Variants in DOCK3 observed in about 807,000 individuals in gnomAD.
DOCK3 encodes the protein dedicator of cytokinesis protein 3.
A neutral mutation model predicts 265.6 loss-of-function variants in DOCK3; 60 were observed. The ratio of observed to expected loss-of-function variants is 0.23; its 90% CI spans 0.18 to 0.28. DOCK3 has a LOEUF of 0.28. Ranked by LOEUF, DOCK3 falls within the 10% of genes least tolerant of loss-of-function variation. The pLI, the probability that DOCK3 is intolerant of heterozygous loss-of-function variation, is 1.00. For missense variants in DOCK3, 1,981 were observed against 2,594.3 expected, an observed-to-expected ratio of 0.76 and a Z score of 5.14; for synonymous variants, 881 against 938.0, an observed-to-expected ratio of 0.94 and a Z score of 1.11.
At chr3:51,279,193 A>G (rs2080982851) in intron 26 of DOCK3, among the ~76,000 whole-genome samples, 1 of 152,170 alleles carries the variant, frequency 6.6e-6, no homozygotes, top group African/African-American at 2.4e-5. Context: ...TGGAGGTTGC[A>G]GTGAGCCAAG....
chr3:51,168,849 A>G (rs775976156), intron 12 of DOCK3, among the ~76,000 whole-genome samples: 2 of 152,250 alleles, frequency 1.3e-5, no homozygotes, highest in Non-Finnish European at 2.9e-5. Context: ...GCATCTGACA[A>G]AGGTCCAATA....
At chr3:51,340,830 G>A (rs559508179) in intron 37 of DOCK3, among the ~76,000 whole-genome samples, 1 of 152,272 alleles carries the variant, frequency 6.6e-6, no homozygotes, top group South Asian at 2.1e-4. Flanking sequence ...TTTGGTAATG[G>A]AGCCCTAAGA....
At chr3:50,858,828 C>T (rs1014010355) in intron 3 of DOCK3, among the ~76,000 whole-genome samples, 1 of 152,072 alleles carries the variant, frequency 6.6e-6, no homozygotes, top group Non-Finnish European at 1.5e-5. Flanking sequence ...TAATTTTATA[C>T]TTCTCAGAGG....
intron 4 of DOCK3, among the ~76,000 whole-genome samples, chr3:50,930,575 T>C (rs2051007479): frequency 6.6e-6 from 1 of 152,138 alleles, no homozygotes. Flanking sequence ...CAGGCCAGTG[T>C]CCAGGGCAGA....
At chr3:51,338,538 A>G (rs1034050709) in intron 36 of DOCK3, 119 bp downstream of exon 36, 2 of 1,122,480 alleles carry the variant, frequency 1.8e-6, no homozygotes, top group Non-Finnish European at 2.6e-6. Context: ...GAATCAGGAC[A>G]TCAGCTCTGT....
At position 51,384,028 on chromosome 3, in the gene DOCK3, T is replaced by G. The variant is rs959816285; in HGVS notation, c.*2469T>G. The G allele has an allele frequency of 1.3e-5, 2 of 152,650 alleles. No homozygotes were observed. Among genetic ancestry groups the G allele is most frequent in the East Asian group, 3.8e-4 (2 of 5,204 alleles). The allele number at this position is 152,650 out of a possible 1,614,324, so 9.5% of individuals were successfully genotyped here. Reference sequence around the variant, plus strand: ...AAAGCAAAGTTAAAGGAAACAAAATTTGTACCATTGTCCCAAGAGGTATTT... The same window carrying G: ...AAAGCAAAGTTAAAGGAAACAAAATGTGTACCATTGTCCCAAGAGGTATTT... On this transcript the variant is annotated 3_prime_UTR_variant, in exon 53 of 53. Coordinates refer to ENST00000266037, the MANE Select transcript of DOCK3 (RefSeq NM_004947.5).
At position 51,250,674 on chromosome 3, in the gene DOCK3, G is replaced by A. The variant is rs976386594; in HGVS notation, c.2184+3867G>A. On this transcript the variant is annotated intron_variant, in intron 22 of 52. Transcript: ENST00000266037. ...TGAGTACTATGAAGGAAATAAACAA[G>A]ATTATGGAACAGACTGGCTGGAAAG... 7.2e-5 allele frequency among the ~76,000 whole-genome samples: 11 copies of A among 152,094 alleles called. No individual in the cohort carries two copies. The East Asian group carries it at 1.7e-3, about 24-fold the overall frequency.
intron 49 of DOCK3, among the ~76,000 whole-genome samples, chr3:51,369,475 C>T (rs575406014): frequency 4.0e-5 from 6 of 151,772 alleles, no homozygotes; most frequent in African/African-American, 7.3e-5. Flanking sequence ...GAAAATGAAG[C>T]GAAAAGAGAA....
At chr3:51,129,905 C>T (rs940139173) in intron 9 of DOCK3, among the ~76,000 whole-genome samples, 1 of 152,192 alleles carries the variant, frequency 6.6e-6, no homozygotes, top group African/African-American at 2.4e-5. Context: ...GTTCTGGACC[C>T]CACTCAAAAC....
chr3:50,781,750 G>C (rs1165551947), intron 2 of DOCK3, among the ~76,000 whole-genome samples: 1 of 152,124 alleles, frequency 6.6e-6, no homozygotes, highest in Non-Finnish European at 1.5e-5. Flanking sequence ...GTATCCATTA[G>C]TTATTTTTCC....
chr3:51,316,303 C>T (rs2083359197), intron 32 of DOCK3, among the ~76,000 whole-genome samples: 1 of 152,188 alleles, frequency 6.6e-6, no homozygotes, highest in Admixed American at 6.5e-5. Context: ...GAAATTAATC[C>T]ATGTCACTGC....
At chr3:50,834,004 G>A (rs991358590) in intron 2 of DOCK3, among the ~76,000 whole-genome samples, 1 of 151,900 alleles carries the variant, frequency 6.6e-6, no homozygotes, top group African/African-American at 2.4e-5. Context: ...ACAAAACAAG[G>A]GATCAGCAAC....
At chr3:50,732,056 G>A (rs1419105039) in intron 1 of DOCK3, among the ~76,000 whole-genome samples, 1 of 151,416 alleles carries the variant, frequency 6.6e-6, no homozygotes, top group East Asian at 1.9e-4. Flanking sequence ...AAAAAACAAT[G>A]TCCAGGGTTC....
chr3:51,257,902 C>T (rs1431247151), intron 22 of DOCK3, among the ~76,000 whole-genome samples: 1 of 152,170 alleles, frequency 6.6e-6, no homozygotes, highest in African/African-American at 2.4e-5. Flanking sequence ...ATCACCTGGT[C>T]CTGACCAAGA....
At chr3:51,076,722 T>G (rs768269466) in intron 7 of DOCK3, among the ~76,000 whole-genome samples, 19 of 152,178 alleles carry the variant, frequency 1.2e-4, no homozygotes, top group Non-Finnish European at 2.2e-4. Flanking sequence ...GTGCTGCATA[T>G]ATGTGCTGTG....
chr3:51,199,102 G>A (rs534775448), intron 12 of DOCK3, among the ~76,000 whole-genome samples: 21 of 152,294 alleles, frequency 1.4e-4, no homozygotes, highest in Admixed American at 5.9e-4. Context: ...AGCTCCCAGC[G>A]TCAGCGACAC....
chr3:51,251,331 A>G (rs13069302), intron 22 of DOCK3, among the ~76,000 whole-genome samples: 138,034 of 152,064 alleles, frequency 0.91, 62,773 homozygotes, highest in African/African-American at 0.94. Context: ...GTAAACATAC[A>G]TGTGCATGTG....
At chr3:50,795,746 G>A (rs2042737017) in intron 2 of DOCK3, among the ~76,000 whole-genome samples, 1 of 152,096 alleles carries the variant, frequency 6.6e-6, no homozygotes. Flanking sequence ...CAGTCCTCAA[G>A]CTCTGAGATT....
intron 23 of DOCK3, among the ~76,000 whole-genome samples, chr3:51,270,030 G>A (rs1560322037): frequency 1.3e-5 from 2 of 152,162 alleles, no homozygotes; most frequent in Non-Finnish European, 2.9e-5. Flanking sequence ...CCCAAAGGCT[G>A]TGGAACTGTT....
Sources: gnomAD v4.1 joint callset for allele counts (sites outside exome capture counted in the v4.1 genomes callset) on GRCh38, gnomAD v4.1.1 for gene constraint, MANE v1.5 for transcripts, NCBI Gene and HGNC (gene_info 2026-07-23, HGNC 2026-07-21) for gene names.